Variants in SLC16A4 observed in about 807,000 individuals in gnomAD.
SLC16A4 encodes probable monocarboxylate transporter 5.
A neutral mutation model predicts 47.9 loss-of-function variants in SLC16A4; 39 were observed. The ratio of observed to expected loss-of-function variants is 0.81; its 90% confidence interval spans 0.63 to 1.06. The LOEUF (loss-of-function observed/expected upper bound fraction) is 1.06, where lower values mean the gene tolerates loss of function less well. Ranked by LOEUF, SLC16A4 falls within the 50% of genes least tolerant of loss-of-function variation. The pLI is 0.00. For synonymous variants in SLC16A4, 189 were observed against 199.9 expected (o/e 0.95, Z 0.46); for missense variants, 524 against 573.8 (o/e 0.91, Z 0.89).
At position 110,379,076 on chromosome 1, in the gene SLC16A4, G is replaced by T. The variant is rs776110171; in HGVS notation, c.807C>A (p.Asn269Lys). The T allele has an allele frequency of 1.2e-6, 2 of 1,614,210 alleles. No individual in the cohort carries two copies. The highest frequency in any genetic ancestry group is 1.7e-6 in the Non-Finnish European group (2 of 1,180,016). The change falls in exon 6 of 9, where the codon AAC (asparagine) becomes AAA (lysine). Residue 269 changes from asparagine to lysine, a missense_variant. Coordinates refer to ENST00000369779, the MANE Select transcript of SLC16A4 (RefSeq NM_004696.3). ...CTTCATCACTCTTTAATAACAGTCT[G>T]TTCCTGTTAGGCCCATTGTAGAACT... is the stretch of plus-strand genomic sequence containing the variant. ...SEEFYNGPNR[N>K]RLLLKSDEES...
intron 2 of SLC16A4, among the ~76,000 whole-genome samples, chr1:110,387,912 G>A (rs1662818784): frequency 9.0e-6 from 1 of 111,248 alleles, no homozygotes; most frequent in African/African-American, 3.5e-5. Flanking sequence ...CATAAATCCT[G>A]GCTGGGGACC....
At chr1:110,368,853 G>A (rs1661538312) in intron 8 of SLC16A4, among the ~76,000 whole-genome samples, 3 of 151,880 alleles carry the variant, frequency 2.0e-5, no homozygotes, top group Admixed American at 2.0e-4. Flanking sequence ...TATGTGTTAG[G>A]CCATACATGT....
intron 8 of SLC16A4, among the ~76,000 whole-genome samples, chr1:110,368,913 A>G (rs561730233): frequency 1.3e-5 from 2 of 152,086 alleles, no homozygotes; most frequent in South Asian, 4.2e-4. Context: ...ACCTTCAGAC[A>G]TCTCAGAATC....
At chr1:110,378,754 C>G in intron 6 of SLC16A4, 99 bp downstream of exon 6, 4 of 1,457,534 alleles carry the variant, frequency 2.7e-6, no homozygotes, top group Non-Finnish European at 3.7e-6. Context: ...TCTACAATTC[C>G]TCTTTTGTTT....
chr1:110,376,876 T>C, intron 7 of SLC16A4, 74 bp downstream of exon 7: 1 of 1,190,392 alleles, frequency 8.4e-7, no homozygotes, highest in South Asian at 1.5e-5. Context: ...ACAAAATACG[T>C]ATTTTGGGGA....
Position 110,389,363 on chromosome 1 carries a change from A to G in SLC16A4, c.-32-8T>C. 6.8e-7 allele frequency: 1 copy of G among 1,470,052 alleles called. No homozygotes were observed. Among genetic ancestry groups the G allele is most frequent in the Non-Finnish European group, 9.5e-7 (1 of 1,049,132 alleles). The allele number at this position is 1,470,052 out of a possible 1,614,324, so 91.1% of individuals were successfully genotyped here. On this transcript the variant is annotated splice_region_variant and splice_polypyrimidine_tract_variant and intron_variant, in intron 1 of 8. Coordinates refer to ENST00000369779, the MANE Select transcript of SLC16A4 (RefSeq NM_004696.3). Reference sequence around the variant, plus strand: ...TTTAAATGCAGAAGATCCCTGTGATAAATCCAAGACAGTTGATTCAGTGGA... The same window carrying G: ...TTTAAATGCAGAAGATCCCTGTGATGAATCCAAGACAGTTGATTCAGTGGA...
intron 5 of SLC16A4, among the ~76,000 whole-genome samples, chr1:110,380,690 G>C (rs1381036650): frequency 6.6e-6 from 1 of 152,122 alleles, no homozygotes; most frequent in Admixed American, 6.6e-5. Flanking sequence ...TTTACTGCAA[G>C]CTGTTTCCAG....
At chr1:110,388,929 C>T (rs779849547) in intron 2 of SLC16A4, among the ~76,000 whole-genome samples, 6 of 152,124 alleles carry the variant, frequency 3.9e-5, no homozygotes, top group African/African-American at 7.2e-5. Context: ...AGGCTGGTCT[C>T]GAACTCCTGA....
chr1:110,367,414 A>G (rs777549628), intron 8 of SLC16A4, among the ~76,000 whole-genome samples: 2 of 152,264 alleles, frequency 1.3e-5, no homozygotes, highest in Non-Finnish European at 2.9e-5. Context: ...AGGCCAAGGT[A>G]GAAGGATGAC....
In SLC16A4 at chr1:110,381,007, G is replaced by A. The variant is rs761628999; in HGVS notation, c.501C>T (p.Phe167=). The change falls in exon 5 of 9, where the codon TTC becomes TTT. Residue 167 remains phenylalanine (F), a synonymous_variant. Transcript: ENST00000369779. ...LTFLLAPFTK[F]LIDLYDWTGA... ...CTGTCCAGTCATACAGATCTATCAGGAATTTTGTAAAGGGTGCCAAAAGAA... is the reference window on the plus strand; with the variant it reads ...CTGTCCAGTCATACAGATCTATCAGAAATTTTGTAAAGGGTGCCAAAAGAA... The A allele has an allele frequency of 6.2e-7, 1 of 1,614,094 alleles. No homozygotes were observed. Among genetic ancestry groups the A allele is most frequent in the East Asian group, 2.2e-5 (1 of 44,880 alleles).
rs762768725 is a variant in SLC16A4, at chr1:110,378,881, CATG to C, written c.999_1001del (p.Ile333del). On this transcript the variant is annotated inframe_deletion, in exon 6 of 9. Coordinates refer to ENST00000369779, the MANE Select transcript of SLC16A4 (RefSeq NM_004696.3). ...CTACAGAAACAAGGTAAGAGGCATC[CATG>C]ATGTCAATCCCCAGTGTTTTGGCTC... 3.1e-6 allele frequency: 5 copies of C among 1,613,556 alleles called. No individual in the cohort carries two copies. The highest frequency in any genetic ancestry group is 4.2e-6 in the Non-Finnish European group (5 of 1,179,680).
chr1:110,379,634 G>A (rs1163728059), intron 5 of SLC16A4, among the ~76,000 whole-genome samples: 1 of 152,008 alleles, frequency 6.6e-6, no homozygotes, highest in Non-Finnish European at 1.5e-5. Context: ...AGTTTTTGGA[G>A]GGAGAGGAGA....
chr1:110,364,667 C>T (rs1206298417), intron 8 of SLC16A4, among the ~76,000 whole-genome samples: 1 of 151,994 alleles, frequency 6.6e-6, no homozygotes, highest in African/African-American at 2.4e-5. Flanking sequence ...CCCGCCACCA[C>T]ACCCGGCTAA....
chr1:110,381,263 A>G, intron 4 of SLC16A4, 120 bp from the exon 5 acceptor site: 1 of 801,020 alleles, frequency 1.2e-6, no homozygotes, highest in South Asian at 1.7e-5. Context: ...GAACAGTAGA[A>G]GGGAAGAGTC....
At chr1:110,375,129 G>A (rs1264776775) in intron 8 of SLC16A4, 1 of 179,450 alleles carries the variant, frequency 5.6e-6, no homozygotes, top group African/African-American at 2.7e-5. Flanking sequence ...ATTGCTCCCA[G>A]CCTTTTTTTT....
In SLC16A4 at chr1:110,381,022, T is replaced by G; in HGVS notation, c.486A>C (p.Ala162=). The G allele has an allele frequency of 6.2e-7, 1 of 1,614,010 alleles. No homozygotes were observed. The highest frequency in any genetic ancestry group is 8.5e-7 in the Non-Finnish European group (1 of 1,179,966). Residue 162 remains alanine, a synonymous_variant, in exon 5 of 9, where the codon GCA becomes GCC. Coordinates refer to ENST00000369779, the MANE Select transcript of SLC16A4 (RefSeq NM_004696.3). ...GATCTATCAGGAATTTTGTAAAGGG[T>G]GCCAAAAGAAAAGTCAGTCCCATCC... is the stretch of plus-strand genomic sequence containing the variant. The part of the protein sequence containing the change: ...RSGMGLTFLL[A]PFTKFLIDLY...
At chr1:110,375,147 TAAAGCA>T (rs1661918035) in intron 8 of SLC16A4, 1 of 204,380 alleles carries the variant, frequency 4.9e-6, no homozygotes, top group Non-Finnish European at 9.8e-6. Flanking sequence ...TTTTTTTTTT[TAAAGCA>T]TCATGGGTCT....
intron 2 of SLC16A4, among the ~76,000 whole-genome samples, chr1:110,386,129 T>A (rs1246504968): frequency 6.6e-6 from 1 of 152,196 alleles, no homozygotes; most frequent in Non-Finnish European, 1.5e-5. Flanking sequence ...AGTTCAGAGC[T>A]TTTCATCTCT....
intron 1 of SLC16A4, among the ~76,000 whole-genome samples, 152 bp downstream of exon 1, chr1:110,390,713 C>G (rs865796843): frequency 2.8e-4 from 43 of 152,270 alleles, no homozygotes; most frequent in South Asian, 2.3e-3. Flanking sequence ...CATTATTTCC[C>G]CTGTCGGGTC....
Sources: allele counts gnomAD v4.1 joint callset (sites outside exome capture counted in the v4.1 genomes callset), GRCh38; gene constraint gnomAD v4.1.1; transcripts MANE v1.5; gene names NCBI Gene and HGNC (gene_info 2026-07-23, HGNC 2026-07-21).